Variants in TBC1D5 observed in about 807,000 individuals in gnomAD.
The protein encoded by TBC1D5 is TBC1 domain family member 5.
A neutral mutation model predicts 100.3 loss-of-function variants in TBC1D5; 75 were observed. The ratio of observed to expected loss-of-function variants is 0.75; its 90% confidence interval spans 0.62 to 0.91. TBC1D5 has a LOEUF of 0.91. Among genes scored for constraint, TBC1D5 ranks in the 40% least tolerant of loss-of-function variants. The pLI, the probability that TBC1D5 is intolerant of heterozygous loss-of-function variation, is 0.00. For synonymous variants in TBC1D5, 323 were observed against 325.6 expected (o/e 0.99, Z 0.09); for missense variants, 910 against 942.4 (o/e 0.97, Z 0.45).
At chr3:17,702,030 G>GAA (rs1419206295) in intron 1 of TBC1D5, among the ~76,000 whole-genome samples, 2 of 152,026 alleles carry the variant, frequency 1.3e-5, no homozygotes, top group Non-Finnish European at 2.9e-5. Flanking sequence ...TTAAATTAGG[G>GAA]TGAATTTTTA....
At chr3:17,229,771 G>A (rs571700492) in intron 17 of TBC1D5, among the ~76,000 whole-genome samples, 14 of 152,224 alleles carry the variant, frequency 9.2e-5, no homozygotes, top group South Asian at 2.1e-4. Context: ...TCCAGAGCCC[G>A]TGCTAGACAA....
chr3:17,509,626 G>A (rs2095879787), intron 2 of TBC1D5, among the ~76,000 whole-genome samples: 1 of 151,944 alleles, frequency 6.6e-6, no homozygotes, highest in Non-Finnish European at 1.5e-5. Flanking sequence ...TGTTATGACT[G>A]TCTTCATGAT....
At chr3:17,678,666 T>TAAAAAAAAA (rs150614567) in intron 1 of TBC1D5, among the ~76,000 whole-genome samples, 33 of 109,082 alleles carry the variant, frequency 3.0e-4, no homozygotes, top group African/African-American at 1.3e-3. Context: ...AAAAGAGGGA[T>TAAAAAAAAA]AAAAAAAAAA....
intron 1 of TBC1D5, among the ~76,000 whole-genome samples, chr3:17,672,865 C>G (rs992096954): frequency 2.7e-4 from 41 of 152,188 alleles, no homozygotes; most frequent in Admixed American, 2.0e-4. Context: ...CCCTACAGAG[C>G]TCCATGAATA....
At chr3:17,164,589 G>A (rs574158749) in intron 21 of TBC1D5, among the ~76,000 whole-genome samples, 15 of 152,324 alleles carry the variant, frequency 9.8e-5, no homozygotes, top group East Asian at 9.6e-4. Context: ...CTCTCTTGGC[G>A]CATGTTCCTG....
At chr3:17,646,573 C>T (rs2065033885) in intron 1 of TBC1D5, among the ~76,000 whole-genome samples, 2 of 152,094 alleles carry the variant, frequency 1.3e-5, no homozygotes, top group Non-Finnish European at 2.9e-5. Flanking sequence ...TTTAATCTGT[C>T]GATCTTTCCA....
intron 3 of TBC1D5, among the ~76,000 whole-genome samples, chr3:17,481,420 T>C (rs2095500595): frequency 2.0e-5 from 3 of 152,170 alleles, no homozygotes; most frequent in Non-Finnish European, 2.9e-5. Flanking sequence ...AGGCACCGCC[T>C]GCCACAGAGG....
chr3:17,427,001 C>G (rs2094350101), intron 4 of TBC1D5, among the ~76,000 whole-genome samples: 1 of 151,920 alleles, frequency 6.6e-6, no homozygotes, highest in African/African-American at 2.4e-5. Context: ...ATTTATTTAA[C>G]TATCTTTCAT....
At chr3:17,706,910 T>C (rs2074242742) in intron 1 of TBC1D5, among the ~76,000 whole-genome samples, 1 of 151,820 alleles carries the variant, frequency 6.6e-6, no homozygotes, top group African/African-American at 2.4e-5. Flanking sequence ...TGGACTGACA[T>C]TTACATGTAA....
chr3:17,312,539 C>T (rs1429000954), intron 13 of TBC1D5, among the ~76,000 whole-genome samples: 1 of 152,078 alleles, frequency 6.6e-6, no homozygotes, highest in African/African-American at 2.4e-5. Flanking sequence ...ATGGATTGAA[C>T]CCAGCTTGAA....
chr3:17,504,500 T>C (rs1053138682), intron 3 of TBC1D5, among the ~76,000 whole-genome samples: 13 of 152,092 alleles, frequency 8.5e-5, no homozygotes, highest in African/African-American at 3.1e-4. Flanking sequence ...ATGCTCTGAA[T>C]GAATCAAAAA....
chr3:17,603,343 C>A (rs1401387066), intron 2 of TBC1D5, among the ~76,000 whole-genome samples: 1 of 151,850 alleles, frequency 6.6e-6, no homozygotes, highest in Non-Finnish European at 1.5e-5. Flanking sequence ...AAATGAGATG[C>A]GTAAAGCAGC....
chr3:17,569,725 A>T (rs2096614874), intron 2 of TBC1D5, among the ~76,000 whole-genome samples: 1 of 151,416 alleles, frequency 6.6e-6, no homozygotes, highest in African/African-American at 2.4e-5. Context: ...AAAGAAAAAC[A>T]TCATTGACAG....
chr3:17,639,692 C>T (rs938863145), intron 1 of TBC1D5, among the ~76,000 whole-genome samples: 4 of 152,000 alleles, frequency 2.6e-5, no homozygotes, highest in Admixed American at 2.0e-4. Flanking sequence ...TGTCTGAGTA[C>T]GCTTTGAAGG....
chr3:17,436,972 T>G (rs1253092891), intron 3 of TBC1D5, among the ~76,000 whole-genome samples: 2 of 152,208 alleles, frequency 1.3e-5, no homozygotes, highest in East Asian at 3.8e-4. Flanking sequence ...AAAGCATGTG[T>G]TGGAAACTTA....
In TBC1D5 at chr3:17,226,844, G is replaced by A. The variant is rs115342555; in HGVS notation, c.1588+11319C>T. ...CATTTATTTAAAATTATTTTAGATT[G>A]TAAGACATTCTTAAATACATTAAAT... On this transcript the variant is annotated intron_variant, in intron 17 of 21. Transcript: ENST00000253692. 1.7e-3 allele frequency among the ~76,000 whole-genome samples: 256 copies of A among 152,240 alleles called. 1 individual carries two copies. The highest frequency in any genetic ancestry group is 5.8e-3 in the African/African-American group (239 of 41,534).
At chr3:17,540,727 T>G (rs112303378) in intron 2 of TBC1D5, among the ~76,000 whole-genome samples, 10,406 of 151,026 alleles carry the variant, frequency 0.069, 705 homozygotes, top group African/African-American at 0.18. Flanking sequence ...GCCAACATGG[T>G]GAAACCCCGT....
At chr3:17,593,637 C>T (rs1433439657) in intron 2 of TBC1D5, among the ~76,000 whole-genome samples, 2 of 152,192 alleles carry the variant, frequency 1.3e-5, no homozygotes, top group African/African-American at 4.8e-5. Context: ...TCATGGAATG[C>T]CTTATCCACT....
chr3:17,530,055 C>T (rs2096198469), intron 2 of TBC1D5, among the ~76,000 whole-genome samples: 2 of 151,962 alleles, frequency 1.3e-5, no homozygotes, highest in Admixed American at 6.6e-5. Context: ...ACCAGTCTGG[C>T]GAACATAGTG....
Sources: allele counts gnomAD v4.1 joint callset (sites outside exome capture counted in the v4.1 genomes callset), GRCh38; gene constraint gnomAD v4.1.1; transcripts MANE v1.5; gene names NCBI Gene and HGNC (gene_info 2026-07-23, HGNC 2026-07-21).